CMKLR1: variants seen among roughly 807,000 people sequenced by gnomAD.
CMKLR1 encodes chemerin chemokine-like receptor 1, also known as chemerin-like receptor 1.
A neutral mutation model predicts 8.2 loss-of-function variants in CMKLR1; 6 were observed. The observed-to-expected ratio is 0.73, with a 90% confidence interval of 0.40 to 1.44. The LOEUF is 1.44. CMKLR1 is among the 40% of genes most tolerant of loss of function. The pLI, the probability that CMKLR1 is intolerant of heterozygous loss-of-function variation, is 0.02. For synonymous variants in CMKLR1, 178 were observed against 181.2 expected, an observed-to-expected ratio of 0.98 and a Z score of 0.14; for missense variants, 429 against 478.0, an observed-to-expected ratio of 0.90 and a Z score of 0.96.
chr12:108,317,135 G>T (rs1255514297), intron 2 of CMKLR1, among the ~76,000 whole-genome samples: 1 of 152,216 alleles, frequency 6.6e-6, no homozygotes, highest in Non-Finnish European at 1.5e-5. Context: ...ACAGGAAAAG[G>T]TGTGATTTAA....
intron 2 of CMKLR1, among the ~76,000 whole-genome samples, chr12:108,315,123 G>A (rs1891689090): frequency 6.7e-6 from 1 of 150,212 alleles, no homozygotes; most frequent in African/African-American, 2.5e-5. Context: ...TTTTAGCAGT[G>A]ATGGGGTTTC....
intron 2 of CMKLR1, among the ~76,000 whole-genome samples, chr12:108,318,103 C>G (rs1400976710): frequency 6.6e-6 from 1 of 152,226 alleles, no homozygotes; most frequent in African/African-American, 2.4e-5. Flanking sequence ...GATTTGCCAG[C>G]ATTTAATTAA....
At chr12:108,316,045 C>A (rs566938206) in intron 2 of CMKLR1, among the ~76,000 whole-genome samples, 2 of 152,172 alleles carry the variant, frequency 1.3e-5, no homozygotes, top group South Asian at 4.1e-4. Flanking sequence ...TGTGTTCCCC[C>A]CAGGAAGTTC....
At chr12:108,301,504 C>T (rs1457546611) in intron 2 of CMKLR1, among the ~76,000 whole-genome samples, 1 of 152,300 alleles carries the variant, frequency 6.6e-6, no homozygotes, top group South Asian at 2.1e-4. Flanking sequence ...ACAAAAAAGC[C>T]CTACTATGTA....
intron 2 of CMKLR1, among the ~76,000 whole-genome samples, chr12:108,300,827 T>C (rs1263068613): frequency 2.0e-5 from 3 of 152,198 alleles, no homozygotes; most frequent in Admixed American, 2.0e-4. Flanking sequence ...CCATTAATCA[T>C]TAATAAAGTA....
chr12:108,319,919 G>A (rs1383696958), intron 2 of CMKLR1, among the ~76,000 whole-genome samples: 4 of 152,078 alleles, frequency 2.6e-5, no homozygotes, highest in African/African-American at 7.2e-5. Flanking sequence ...TTACCTGCCA[G>A]GTGTCAGGCT....
At chr12:108,306,412 A>G (rs1265737981) in intron 2 of CMKLR1, among the ~76,000 whole-genome samples, 1 of 151,944 alleles carries the variant, frequency 6.6e-6, no homozygotes, top group Non-Finnish European at 1.5e-5. Context: ...TGGGTTGTCC[A>G]TCTCCTGCCA....
intron 2 of CMKLR1, among the ~76,000 whole-genome samples, chr12:108,298,747 C>T (rs1348218639): frequency 1.3e-5 from 2 of 152,240 alleles, no homozygotes; most frequent in African/African-American, 4.8e-5. Context: ...GCCCAGAGAA[C>T]CCAGGGGAAG....
chr12:108,304,610 T>C (rs1389848050), intron 2 of CMKLR1, among the ~76,000 whole-genome samples: 2 of 152,172 alleles, frequency 1.3e-5, no homozygotes, highest in Non-Finnish European at 1.5e-5. Flanking sequence ...TTTGCCTCTC[T>C]TTGTTCCTGG....
rs183056680 is a variant in CMKLR1, at chr12:108,336,503, G to A, written c.-287+2524C>T. Among the ~76,000 whole-genome samples the A allele has an allele frequency of 2.0e-3, 307 of 151,300 alleles. 1 individual carries two copies. Among genetic ancestry groups the A allele is most frequent in the African/African-American group, 7.2e-3 (296 of 41,170 alleles). On this transcript the variant is annotated intron_variant, in intron 1 of 3. Transcript: ENST00000550402. ...AGAGCTTGCAGTGAGCCAAGATTGCGCCACTGTACTCCAGCCTGGGCGACA... is the reference window on the plus strand; with the variant it reads ...AGAGCTTGCAGTGAGCCAAGATTGCACCACTGTACTCCAGCCTGGGCGACA...
intron 2 of CMKLR1, among the ~76,000 whole-genome samples, chr12:108,322,092 G>T (rs1891875021): frequency 6.6e-6 from 1 of 152,226 alleles, no homozygotes; most frequent in African/African-American, 2.4e-5. Context: ...TCAGGTATAT[G>T]TTACATGAGG....
intron 2 of CMKLR1, among the ~76,000 whole-genome samples, 180 bp from the exon 3 acceptor site, chr12:108,293,844 C>T (rs1271360041): frequency 1.3e-5 from 2 of 152,140 alleles, no homozygotes; most frequent in Admixed American, 6.5e-5. Context: ...AGGGATGGAG[C>T]CCCTTGAACC....
intron 2 of CMKLR1, among the ~76,000 whole-genome samples, chr12:108,310,983 T>C (rs1353730936): frequency 3.2e-5 from 4 of 126,458 alleles, no homozygotes; most frequent in African/African-American, 8.8e-5. Flanking sequence ...ATGAGCAGGG[T>C]GCAGATGAAG....
At position 108,310,376 on chromosome 12, in the gene CMKLR1, C is replaced by T. The variant is rs558520395; in HGVS notation, c.-73-16712G>A. ...TTCTAACCTGGGTGGCTGATGTGGGCACTGCGTTGGAAGAGGAAAGGCTGG... is the reference window on the plus strand; with the variant it reads ...TTCTAACCTGGGTGGCTGATGTGGGTACTGCGTTGGAAGAGGAAAGGCTGG... On this transcript the variant is annotated intron_variant, in intron 2 of 3. Coordinates refer to ENST00000550402, the MANE Select transcript of CMKLR1 (RefSeq NM_001142343.2). Among the ~76,000 whole-genome samples the T allele has an allele frequency of 1.7e-3, 258 of 152,140 alleles. 3 individuals are homozygous for T. The highest frequency in any genetic ancestry group is 3.6e-3 in the Admixed American group (55 of 15,276).
At position 108,292,358 on chromosome 12, in the gene CMKLR1, G is replaced by T; in HGVS notation, c.605C>A (p.Ser202Ter). Reference protein sequence around the residue: ...NFSLSTPGSSSWPTHSQMDPV... With the variant: ...NFSLSTPGSS ...GTCCATTTGGGAGTGAGTGGGCCAC[G>T]AGGAAGACCCAGGTGTGGACAGGCT... Residue 202 changes from serine to a stop codon, truncating the protein, a stop_gained, in exon 4 of 4, where the codon TCG becomes TAG. Transcript: ENST00000550402. LOFTEE classifies it low-confidence loss of function (END_TRUNC). 6.2e-7 allele frequency: 1 copy of T among 1,614,160 alleles called. No individual in the cohort carries two copies. The highest frequency in any genetic ancestry group is 8.5e-7 in the Non-Finnish European group (1 of 1,180,038).
intron 2 of CMKLR1, among the ~76,000 whole-genome samples, chr12:108,302,714 C>T (rs1489388085): frequency 6.6e-6 from 1 of 152,174 alleles, no homozygotes; most frequent in South Asian, 2.1e-4. Context: ...CCTAATAGTG[C>T]TGTGGTACAT....
chr12:108,298,096 G>A (rs988956022), intron 2 of CMKLR1, among the ~76,000 whole-genome samples: 13 of 152,174 alleles, frequency 8.5e-5, no homozygotes, highest in Admixed American at 2.6e-4. Flanking sequence ...TTCTACAACT[G>A]ATCACATTTC....
chr12:108,298,738 C>T (rs1310202319), intron 2 of CMKLR1, among the ~76,000 whole-genome samples: 1 of 152,220 alleles, frequency 6.6e-6, no homozygotes, highest in Non-Finnish European at 1.5e-5. Context: ...CCCTCAGCTG[C>T]CCAGAGAACC....
chr12:108,310,880 C>T (rs1334549420), intron 2 of CMKLR1, among the ~76,000 whole-genome samples: 1 of 152,078 alleles, frequency 6.6e-6, no homozygotes, highest in Non-Finnish European at 1.5e-5. Flanking sequence ...TGAGGGGCAG[C>T]CAGAACCTGC....
Sources: allele counts gnomAD v4.1 joint callset (sites outside exome capture counted in the v4.1 genomes callset), GRCh38; gene constraint gnomAD v4.1.1; transcripts MANE v1.5; gene names NCBI Gene and HGNC (gene_info 2026-07-23, HGNC 2026-07-21).